Variants in ING1 observed in about 807,000 individuals in gnomAD.
The protein encoded by ING1 is inhibitor of growth protein 1.
In ING1, 4 loss-of-function variants were observed where a neutral mutation model predicts 23.1. The ratio of observed to expected loss-of-function variants is 0.17; its 90% CI spans 0.09 to 0.40. ING1 has a LOEUF of 0.40. Ranked by LOEUF, ING1 falls within the 10% of genes least tolerant of loss-of-function variation. The pLI, the probability that ING1 is intolerant of heterozygous loss-of-function variation, is 1.00. For synonymous variants in ING1, 179 were observed against 166.4 expected (o/e 1.08, Z -0.58); for missense variants, 256 against 393.8 (o/e 0.65, Z 2.96).
chr13:110,719,950 G>A lies in ING1; in HGVS notation c.*18G>A. On this transcript the variant is annotated 3_prime_UTR_variant, in exon 2 of 2. Coordinates refer to ENST00000333219, the MANE Select transcript of ING1 (RefSeq NM_198219.3). The surrounding 1 kb of genome is among the most constrained non-coding windows in gnomAD (Gnocchi z 8.9). The stretch of plus-strand genomic sequence containing the variant: ...ACAGGTAGTTTGTGGACAGGCGCCT[G>A]GTGTGAGGAGGACAAAATAAACCGT... 1 of 1,546,072 alleles carries A rather than the reference G, an allele frequency of 6.5e-7. No individual in the cohort carries two copies. The highest frequency in any genetic ancestry group is 8.8e-7 in the Non-Finnish European group (1 of 1,142,044).
intron 1 of ING1, chr13:110,716,118 A>G: frequency 2.5e-6 from 3 of 1,195,656 alleles, no homozygotes; most frequent in Non-Finnish European, 3.3e-6. Context: ...GGGGCTCCGG[A>G]CGGAAGGAAG....
chr13:110,715,725 G>A, intron 1 of ING1: 1 of 1,588,338 alleles, frequency 6.3e-7, no homozygotes, highest in South Asian at 1.1e-5. Flanking sequence ...CCTCCAAATC[G>A]GCGATTCCCA....
At chr13:110,715,652 G>T in intron 1 of ING1, 1 of 1,612,288 alleles carries the variant, frequency 6.2e-7, no homozygotes, top group Non-Finnish European at 8.5e-7. Flanking sequence ...GGTTCTTCTC[G>T]CTGCTGGGGC....
At chr13:110,715,687 T>C in intron 1 of ING1, 1 of 1,601,834 alleles carries the variant, frequency 6.2e-7, no homozygotes, top group Non-Finnish European at 8.5e-7. Flanking sequence ...CGCCCTGCGG[T>C]GTGGTTGGTT....
chr13:110,712,686 C>A, upstream of ING1: 1 of 668,792 alleles, frequency 1.5e-6, no homozygotes. Flanking sequence ...GGACGCCGGC[C>A]GACCGGGTGT....
rs2064076242 is a variant in ING1 at position 110,714,047 on chromosome 13, G to C, written c.-103G>C. ...GCAGGAGCCGGCGGGGGGGCGCCGGGAGAGCGAGGGCTTTGCATTTTGCAG... is the reference window on the plus strand; with the variant it reads ...GCAGGAGCCGGCGGGGGGGCGCCGGCAGAGCGAGGGCTTTGCATTTTGCAG... On this transcript the variant is annotated 5_prime_UTR_variant, in exon 1 of 2. Coordinates refer to ENST00000333219, the MANE Select transcript of ING1 (RefSeq NM_198219.3). 8.0e-7 allele frequency: 1 copy of C among 1,248,700 alleles called. No homozygotes were observed. The highest frequency in any genetic ancestry group is 1.0e-6 in the Non-Finnish European group (1 of 991,382). 77.4% of individuals were successfully genotyped at this position (1,248,700 alleles called of 1,614,324 possible).
At chr13:110,712,923 C>T, upstream of ING1, 3 of 1,554,284 alleles carry the variant, frequency 1.9e-6, no homozygotes, top group Non-Finnish European at 2.6e-6. Context: ...TGACGGATGG[C>T]GCAGGCGCGG....
Position 110,720,992 on chromosome 13 carries a change from T to A in ING1, c.*1060T>A, listed in dbSNP as rs540014465. 2 of 167,242 alleles carry A rather than the reference T, an allele frequency of 1.2e-5. No individual in the cohort carries two copies. Among genetic ancestry groups the A allele is most frequent in the South Asian group, 4.1e-4 (2 of 4,828 alleles). 10.4% of individuals were successfully genotyped at this position (167,242 alleles called of 1,614,324 possible). On this transcript the variant is annotated 3_prime_UTR_variant, in exon 2 of 2. Transcript: ENST00000333219. ...CTGGGTCAGGAAATTACTGCCCACT[T>A]GTCAAGTTCAGCCCACCATCTGTTT...
In ING1 at chr13:110,723,210, A is replaced by AC. The variant is rs2064181988; in HGVS notation, c.*3279dup. 2 of 152,146 alleles carry AC rather than the reference A, an allele frequency of 1.3e-5. No individual in the cohort carries two copies. The highest frequency in any genetic ancestry group is 2.9e-5 in the Non-Finnish European group (2 of 68,052). 9.4% of individuals were successfully genotyped at this position (152,146 alleles called of 1,614,324 possible). A position where few individuals can be genotyped will look rare whatever the true frequency, so the allele number is the denominator to read the frequency against. On this transcript the variant is annotated 3_prime_UTR_variant, in exon 2 of 2. Transcript: ENST00000333219. ...CTGCAGGAGTCACAGACCTGCAGGCACGCACTTGCCAGTGACTGGGACGTT... is the reference window on the plus strand; with the variant it reads ...CTGCAGGAGTCACAGACCTGCAGGCACCGCACTTGCCAGTGACTGGGACGTT...
chr13:110,719,199 G>A lies in ING1; in HGVS notation c.137-30G>A, dbSNP rs374944238. 12 of 1,607,218 alleles carry A rather than the reference G, an allele frequency of 7.5e-6. No homozygotes were observed. Among genetic ancestry groups the A allele is most frequent in the Non-Finnish European group, 1.0e-5 (12 of 1,176,116 alleles). The stretch of plus-strand genomic sequence containing the variant: ...TGTGGGTTGTCCCGGTGTCCTGCTC[G>A]CGAGTGACGCCTGTCCTTCTTGCCC... On this transcript the variant is annotated intron_variant, in intron 1 of 1. Coordinates refer to ENST00000333219, the MANE Select transcript of ING1 (RefSeq NM_198219.3). The surrounding 1 kb of genome is among the most constrained non-coding windows in gnomAD (Gnocchi z 8.9).
At position 110,713,830 on chromosome 13, in the gene ING1, C is replaced by G; in HGVS notation, c.-320C>G. On this transcript the variant is annotated 5_prime_UTR_variant, in exon 1 of 2. Transcript: ENST00000333219. ...AGCGGCGGCCGCGGCGCTGGGCCCTCTCCCGCCGGTGTGTGCGCGCTCGTA... is the reference window on the plus strand; with the variant it reads ...AGCGGCGGCCGCGGCGCTGGGCCCTGTCCCGCCGGTGTGTGCGCGCTCGTA... 1.0e-6 allele frequency: 1 copy of G among 983,084 alleles called. No homozygotes were observed. The highest frequency in any genetic ancestry group is 1.2e-6 in the Non-Finnish European group (1 of 828,800). The allele number at this position is 983,084 out of a possible 1,614,324, so 60.9% of individuals were successfully genotyped here.
At chr13:110,713,292 T>C, upstream of ING1, 12 of 1,276,000 alleles carry the variant, frequency 9.4e-6, no homozygotes, top group Non-Finnish European at 1.2e-5. Flanking sequence ...GTTGCGGTAG[T>C]TGCTGTGTAC....
chr13:110,713,132 C>G (rs982843898), upstream of ING1: 8 of 1,429,748 alleles, frequency 5.6e-6, no homozygotes, highest in Non-Finnish European at 7.3e-6. Context: ...GGGGGCATTA[C>G]TCACGGTCTC....
chr13:110,715,883 G>C, intron 1 of ING1: 1 of 1,590,196 alleles, frequency 6.3e-7, no homozygotes, highest in Non-Finnish European at 8.5e-7. Context: ...GTGATCCCGG[G>C]CCTGTGGGCT....
At position 110,722,806 on chromosome 13, in the gene ING1, T is replaced by C. The variant is rs1191666675; in HGVS notation, c.*2874T>C. On this transcript the variant is annotated 3_prime_UTR_variant, in exon 2 of 2. Coordinates refer to ENST00000333219, the MANE Select transcript of ING1 (RefSeq NM_198219.3). ...TGGACTGGCAGTCTTAAATCACTCT[T>C]GTTATTTCCAGTGGACATTAAAAAA... 1.3e-5 allele frequency: 2 copies of C among 150,610 alleles called. No individual in the cohort carries two copies. The highest frequency in any genetic ancestry group is 2.9e-5 in the Non-Finnish European group (2 of 67,934). 9.3% of individuals were successfully genotyped at this position (150,610 alleles called of 1,614,324 possible).
intron 1 of ING1, among the ~76,000 whole-genome samples, chr13:110,717,787 T>G (rs1755697027): frequency 6.6e-6 from 1 of 152,166 alleles, no homozygotes; most frequent in Non-Finnish European, 1.5e-5. Flanking sequence ...ATCGCGCCAT[T>G]GCACTCCAGC....
In ING1 at chr13:110,722,938, A is replaced by T. The variant is rs2064180733; in HGVS notation, c.*3006A>T. 6.6e-6 allele frequency: 1 copy of T among 152,250 alleles called. No homozygotes were observed. 9.4% of individuals were successfully genotyped at this position (152,250 alleles called of 1,614,324 possible). On this transcript the variant is annotated 3_prime_UTR_variant, in exon 2 of 2. Coordinates refer to ENST00000333219, the MANE Select transcript of ING1 (RefSeq NM_198219.3). Reference sequence around the variant, plus strand: ...GACATGAGGACAAAAATGGTACTGAATTCTTTTTGAAAAATAGATTACTGA... The same window carrying T: ...GACATGAGGACAAAAATGGTACTGATTTCTTTTTGAAAAATAGATTACTGA...
At chr13:110,714,376 C>T in intron 1 of ING1, 91 bp downstream of exon 1, 2 of 1,153,626 alleles carry the variant, frequency 1.7e-6, no homozygotes, top group Non-Finnish European at 2.2e-6. Context: ...TGCCGTGGAC[C>T]GGAGGAAGCG....
At chr13:110,713,173 C>T, upstream of ING1, 1 of 1,427,624 alleles carries the variant, frequency 7.0e-7, no homozygotes. Flanking sequence ...ATTGGGCTGT[C>T]AAAGTGATGT....
Sources: gnomAD v4.1 joint callset for allele counts (sites outside exome capture counted in the v4.1 genomes callset) on GRCh38, gnomAD v4.1.1 for gene constraint, Gnocchi (gnomAD v3.1) non-coding constraint, MANE v1.5 for transcripts, NCBI Gene and HGNC (gene_info 2026-07-23, HGNC 2026-07-21) for gene names.